UGT1A9: variants seen among roughly 807,000 people sequenced by gnomAD.
The protein encoded by UGT1A9 is UDP glucuronosyltransferase family 1 member A9.
Under a neutral mutation model 45.0 loss-of-function variants are expected in UGT1A9, and 35 were observed. The observed-to-expected ratio is 0.78, with a 90% confidence interval of 0.59 to 1.03. The LOEUF is 1.03. Ranked by LOEUF, UGT1A9 falls within the 50% of genes least tolerant of loss-of-function variation. The pLI, the probability that UGT1A9 is intolerant of heterozygous loss-of-function variation, is 0.00. For synonymous variants in UGT1A9, 278 were observed against 250.6 expected, an observed-to-expected ratio of 1.11 and a Z score of -1.03; for missense variants, 687 against 666.6, an observed-to-expected ratio of 1.03 and a Z score of -0.34.
chr2:233,757,535 A>AATAAATATACATATACATATAT (rs1553619837), intron 1 of UGT1A9, among the ~76,000 whole-genome samples: 4 of 88,306 alleles, frequency 4.5e-5, no homozygotes, highest in African/African-American at 2.0e-4. Flanking sequence ...GCCTGTAAGG[A>AATAAATATACATATACATATAT]ATATATATAT....
At chr2:233,755,363 G>T (rs907026349) in intron 1 of UGT1A9, 4 of 363,278 alleles carry the variant, frequency 1.1e-5, no homozygotes. Flanking sequence ...GACCTGGGCC[G>T]CCTGGAGGGC....
chr2:233,724,330 C>A (rs1214568164), intron 1 of UGT1A9, among the ~76,000 whole-genome samples: 2 of 122,004 alleles, frequency 1.6e-5, no homozygotes, highest in African/African-American at 6.2e-5. Context: ...GCTGGCCAGG[C>A]GGGGGGCTGA....
intron 1 of UGT1A9, among the ~76,000 whole-genome samples, chr2:233,676,176 T>C (rs752242448): frequency 1.3e-5 from 2 of 152,134 alleles, no homozygotes; most frequent in African/African-American, 4.8e-5. Context: ...GTGGAAATCA[T>C]CCAGCCACCT....
chr2:233,721,250 A>G (rs1349740606), intron 1 of UGT1A9, among the ~76,000 whole-genome samples: 1 of 152,166 alleles, frequency 6.6e-6, no homozygotes, highest in East Asian at 1.9e-4. Context: ...TAAAAAATAT[A>G]TATGTTCTTT....
intron 1 of UGT1A9, chr2:233,729,068 A>C: frequency 6.2e-7 from 1 of 1,611,394 alleles, no homozygotes. Context: ...AGATGAAGAA[A>C]GCAAATGTAG....
chr2:233,734,820 G>A (rs1460443143), intron 1 of UGT1A9, among the ~76,000 whole-genome samples: 12 of 152,202 alleles, frequency 7.9e-5, no homozygotes, highest in Non-Finnish European at 1.3e-4. Context: ...GTAGTTGTGC[G>A]ATTTTGAGTG....
chr2:233,718,752 A>G (rs2076680847), intron 1 of UGT1A9: 6 of 1,612,234 alleles, frequency 3.7e-6, no homozygotes, highest in Non-Finnish European at 5.1e-6. Context: ...AAGGTAATTA[A>G]GGCGAAGGAA....
chr2:233,696,904 A>G (rs774009523), intron 1 of UGT1A9, among the ~76,000 whole-genome samples: 9 of 152,174 alleles, frequency 5.9e-5, no homozygotes, highest in African/African-American at 1.9e-4. Flanking sequence ...AATTCTGTCA[A>G]TGTATTCATA....
At chr2:233,678,706 C>T (rs2074425581) in intron 1 of UGT1A9, among the ~76,000 whole-genome samples, 1 of 152,100 alleles carries the variant, frequency 6.6e-6, no homozygotes, top group Admixed American at 6.6e-5. Flanking sequence ...GGCACTGCTT[C>T]TTCTACATCT....
chr2:233,689,959 C>A (rs2074968106), intron 1 of UGT1A9: 1 of 456,312 alleles, frequency 2.2e-6, no homozygotes, highest in Non-Finnish European at 4.4e-6. Context: ...TATTTCCATG[C>A]TTGGAGGAAC....
intron 1 of UGT1A9, chr2:233,682,572 T>C: frequency 4.3e-6 from 7 of 1,613,972 alleles, no homozygotes; most frequent in Middle Eastern, 1.7e-4. Flanking sequence ...AACCACATCA[T>C]GCACTTGGAG....
chr2:233,723,019 G>C (rs1235467270), intron 1 of UGT1A9, among the ~76,000 whole-genome samples: 2 of 145,208 alleles, frequency 1.4e-5, no homozygotes, highest in Non-Finnish European at 3.0e-5. Flanking sequence ...ATGAGAAGGT[G>C]GAAGGGCCAG....
At chr2:233,734,081 A>G (rs1041213735) in intron 1 of UGT1A9, among the ~76,000 whole-genome samples, 23 of 152,124 alleles carry the variant, frequency 1.5e-4, no homozygotes, top group African/African-American at 5.6e-4. Context: ...CATTGTGCAC[A>G]TGCACCCTAA....
intron 1 of UGT1A9, among the ~76,000 whole-genome samples, chr2:233,736,321 A>G (rs1202722197): frequency 6.6e-6 from 1 of 152,088 alleles, no homozygotes; most frequent in Non-Finnish European, 1.5e-5. Context: ...AATTTTGTGC[A>G]TGTGTTATGA....
At chr2:233,760,167 A>T (rs982651614) in intron 1 of UGT1A9, 4 of 1,523,868 alleles carry the variant, frequency 2.6e-6, no homozygotes, top group Non-Finnish European at 2.6e-6. Flanking sequence ...ACCTTTGTGG[A>T]CTGACAGCTT....
intron 1 of UGT1A9, among the ~76,000 whole-genome samples, chr2:233,714,731 C>T (rs1234277982): frequency 6.6e-6 from 1 of 152,142 alleles, no homozygotes; most frequent in Non-Finnish European, 1.5e-5. Context: ...GTTAAGTCTT[C>T]AAAATCTAGC....
intron 1 of UGT1A9, chr2:233,747,298 G>T: frequency 6.2e-7 from 1 of 1,602,264 alleles, no homozygotes; most frequent in Non-Finnish European, 8.5e-7. Flanking sequence ...GGCTGAGAGT[G>T]GGAAGGTGCT....
chr2:233,725,201 GGCA>G (rs1432389183), intron 1 of UGT1A9, among the ~76,000 whole-genome samples: 1 of 92,970 alleles, frequency 1.1e-5, no homozygotes, highest in Non-Finnish European at 1.9e-5. Context: ...CAGAGGCAGA[GGCA>G]GAGGCAGAGG....
At chr2:233,702,292 G>A (rs1184816211) in intron 1 of UGT1A9, among the ~76,000 whole-genome samples, 1 of 152,066 alleles carries the variant, frequency 6.6e-6, no homozygotes, top group Admixed American at 6.5e-5. Flanking sequence ...AGCATAAAGA[G>A]TTTTGTATAT....
Sources: gnomAD v4.1 joint callset for allele counts (sites outside exome capture counted in the v4.1 genomes callset) on GRCh38, gnomAD v4.1.1 for gene constraint, MANE v1.5 for transcripts, NCBI Gene and HGNC (gene_info 2026-07-23, HGNC 2026-07-21) for gene names.